Variants in COQ8B observed in about 807,000 individuals in gnomAD.
COQ8B encodes coenzyme Q8B.
Under a neutral mutation model 62.0 loss-of-function variants are expected in COQ8B, and 44 were observed. That is an observed-to-expected ratio of 0.71 (90% CI 0.56 to 0.91). COQ8B has a LOEUF of 0.91. Among genes scored for constraint, COQ8B ranks in the 40% least tolerant of loss-of-function variants. The pLI is 0.00. For missense variants in COQ8B, 649 were observed against 731.6 expected, an observed-to-expected ratio of 0.89 and a Z score of 1.30; for synonymous variants, 252 against 289.9, an observed-to-expected ratio of 0.87 and a Z score of 1.33.
rs763317412 is a variant in COQ8B, at chr19:40,703,538, C to A, written c.799+3G>T. The A allele has an allele frequency of 6.3e-7, 1 of 1,596,440 alleles. No individual in the cohort carries two copies. Among genetic ancestry groups the A allele is most frequent in the African/African-American group, 1.3e-5 (1 of 74,666 alleles). On this transcript the variant is annotated splice_donor_region_variant and intron_variant, in intron 9 of 14. Transcript: ENST00000324464. The stretch of plus-strand genomic sequence containing the variant: ...TCAGCAGAGGAGTGGGTGGGCGCCT[C>A]ACCCGCGGGCAGGGCCGCGCTCATC...
intron 12 of COQ8B, among the ~76,000 whole-genome samples, chr19:40,698,701 G>A (rs1461749361): frequency 1.3e-5 from 2 of 152,148 alleles, no homozygotes; most frequent in East Asian, 1.9e-4. Flanking sequence ...TGGAGACTCC[G>A]TGGGGCCACA....
In COQ8B at chr19:40,714,621, C is replaced by T. The variant is rs1435080467; in HGVS notation, c.12G>A (p.Lys4=). 1 of 1,608,472 alleles carries T rather than the reference C, an allele frequency of 6.2e-7. No homozygotes were observed. Among genetic ancestry groups the T allele is most frequent in the East Asian group, 2.2e-5 (1 of 44,844 alleles). MWL[K]VGGLLRGTGG... is the part of the protein sequence containing the mutation. ...CGGTCCCCCGAAGTAGGCCCCCCAC[C>T]TTCAGCCACATTGCCTGGAGGAGAA... is the stretch of plus-strand genomic sequence containing the variant. Residue 4 remains lysine (K), a synonymous_variant, in exon 2 of 15, where the codon AAG becomes AAA. Transcript: ENST00000324464.
At chr19:40,698,424 G>A (rs1244098558) in intron 12 of COQ8B, among the ~76,000 whole-genome samples, 1 of 151,836 alleles carries the variant, frequency 6.6e-6, no homozygotes, top group Non-Finnish European at 1.5e-5. Flanking sequence ...TGTAATCCCA[G>A]CTACTTGGGA....
intron 4 of COQ8B, among the ~76,000 whole-genome samples, chr19:40,713,820 G>T (rs1270062060): frequency 1.3e-5 from 2 of 148,640 alleles, no homozygotes; most frequent in African/African-American, 5.0e-5. Flanking sequence ...GAAGTTTGAG[G>T]CTGCAGTGAT....
intron 1 of COQ8B, chr19:40,715,206 G>T: frequency 1.0e-6 from 1 of 985,046 alleles, no homozygotes; most frequent in Non-Finnish European, 1.2e-6. Context: ...CGGGGGAAGG[G>T]GCCAGAGAGA....
intron 9 of COQ8B, among the ~76,000 whole-genome samples, chr19:40,703,208 C>T (rs1056903116): frequency 1.4e-4 from 22 of 152,118 alleles, no homozygotes; most frequent in Non-Finnish European, 8.8e-5. Context: ...TTTCTCTAGG[C>T]GCCTCCTCAC....
chr19:40,704,191 C>A (rs1275114426), intron 7 of COQ8B: 4 of 209,446 alleles, frequency 1.9e-5, no homozygotes, highest in Non-Finnish European at 2.9e-5. Flanking sequence ...GTTCTGTAGC[C>A]CAGGCTGGAG....
At chr19:40,695,577 G>A (rs907138948) in intron 13 of COQ8B, among the ~76,000 whole-genome samples, 10 of 152,078 alleles carry the variant, frequency 6.6e-5, no homozygotes, top group South Asian at 6.2e-4. Context: ...ATGGGGTCTG[G>A]AGAGGTGACA....
At position 40,693,039 on chromosome 19, in the gene COQ8B, T is replaced by G. The variant is rs2081986441; in HGVS notation, c.1210-2A>C. ...TCCATCAGCTGCAGCCTTCACCACC[T>G]GGGGAGACGGGTGGGAGTTAGAGGG... is the stretch of plus-strand genomic sequence containing the variant. On this transcript the variant is annotated splice_acceptor_variant, in intron 13 of 14. Coordinates refer to ENST00000324464, the MANE Select transcript of COQ8B (RefSeq NM_024876.4). LOFTEE classifies it high-confidence loss of function. 6.2e-7 allele frequency: 1 copy of G among 1,612,788 alleles called. No homozygotes were observed. The highest frequency in any genetic ancestry group is 8.5e-7 in the Non-Finnish European group (1 of 1,179,206).
rs1449685892 is a variant in COQ8B, at chr19:40,704,987, G to A, written c.576+109C>T. On this transcript the variant is annotated intron_variant, in intron 7 of 14. Transcript: ENST00000324464. The stretch of plus-strand genomic sequence containing the variant: ...TGGTGATTCCCATTTTACAGATGGG[G>A]AAAGTGAGGCTCAGAGGCAGGGAGT... The A allele has an allele frequency of 3.8e-6, 4 of 1,045,904 alleles. No homozygotes were observed. The East Asian group carries it at 7.9e-5, about 21-fold the overall frequency. 64.8% of individuals were successfully genotyped at this position (1,045,904 alleles called of 1,614,324 possible). A position where few individuals can be genotyped will look rare whatever the true frequency, so the allele number is the denominator to read the frequency against.
intron 13 of COQ8B, among the ~76,000 whole-genome samples, chr19:40,693,612 C>T (rs1017955969): frequency 6.6e-6 from 1 of 152,124 alleles, no homozygotes; most frequent in Non-Finnish European, 1.5e-5. Flanking sequence ...CAGCTGGGGC[C>T]AGCTGGCTAG....
chr19:40,697,847 T>TAGAGAGAGAGAGAG (rs1349238558), intron 12 of COQ8B, among the ~76,000 whole-genome samples: 8 of 56,876 alleles, frequency 1.4e-4, no homozygotes, highest in African/African-American at 5.9e-4. Context: ...TATATATATA[T>TAGAGAGAGAGAGAG]ATATAGAGAG....
intron 13 of COQ8B, among the ~76,000 whole-genome samples, chr19:40,695,040 G>A (rs574956041): frequency 6.6e-6 from 1 of 152,328 alleles, no homozygotes; most frequent in African/African-American, 2.4e-5. Flanking sequence ...TAGATTGGCT[G>A]GGCAGGAGGG....
intron 1 of COQ8B, chr19:40,715,135 C>T: frequency 1.0e-6 from 1 of 986,484 alleles, no homozygotes; most frequent in East Asian, 1.1e-4. Context: ...CCCCCTTCGG[C>T]CAGCCAACCA....
chr19:40,709,401 C>T (rs1280811622), intron 5 of COQ8B, among the ~76,000 whole-genome samples: 2 of 152,190 alleles, frequency 1.3e-5, no homozygotes, highest in African/African-American at 2.4e-5. Context: ...CTCCACCTAC[C>T]CTCAACTTTT....
intron 7 of COQ8B, 174 bp from the exon 8 acceptor site, chr19:40,704,029 A>C: frequency 1.3e-6 from 1 of 783,166 alleles, no homozygotes; most frequent in Non-Finnish European, 2.0e-6. Flanking sequence ...TCCCTTGTGC[A>C]AGTGACTAGC....
At chr19:40,714,837 T>G in intron 1 of COQ8B, 1 of 1,332,182 alleles carries the variant, frequency 7.5e-7, no homozygotes, top group Non-Finnish European at 9.6e-7. Flanking sequence ...AAAACCCACT[T>G]TCCCCCCTCT....
At chr19:40,695,060 G>A (rs2082003268) in intron 13 of COQ8B, among the ~76,000 whole-genome samples, 1 of 152,232 alleles carries the variant, frequency 6.6e-6, no homozygotes. Flanking sequence ...GCTCATGCCT[G>A]TAATCCCAGC....
intron 9 of COQ8B, 152 bp from the exon 10 acceptor site, chr19:40,702,845 A>G (rs2082071215): frequency 1.4e-6 from 1 of 704,568 alleles, no homozygotes; most frequent in African/African-American, 1.7e-5. Context: ...CCTGTCTCCC[A>G]CGCAGCTCCT....
Sources: allele counts gnomAD v4.1 joint callset (sites outside exome capture counted in the v4.1 genomes callset), GRCh38; gene constraint gnomAD v4.1.1; transcripts MANE v1.5; gene names NCBI Gene and HGNC (gene_info 2026-07-23, HGNC 2026-07-21).